The following CCSER2 variants were observed in gnomAD, a reference collection of about 807,000 sequenced individuals.
CCSER2 encodes the protein serine-rich coiled-coil domain-containing protein 2.
Under a neutral mutation model 92.3 loss-of-function variants are expected in CCSER2, and 46 were observed. That is an observed-to-expected ratio of 0.50 (90% CI 0.39 to 0.64). CCSER2 has a LOEUF of 0.64. CCSER2 is among the 30% of genes least tolerant of loss of function. The pLI is 0.00. For synonymous variants in CCSER2, 433 were observed against 431.4 expected, an observed-to-expected ratio of 1.00 and a Z score of -0.04; for missense variants, 1,244 against 1,238.9, an observed-to-expected ratio of 1.00 and a Z score of -0.06.
In CCSER2 at chr10:84,515,249, C is replaced by T. The variant is rs368167360; in HGVS notation, c.*982C>T. On this transcript the variant is annotated 3_prime_UTR_variant, in exon 10 of 10. Transcript: ENST00000372088. The stretch of plus-strand genomic sequence containing the variant: ...TGAAATAATGAACTTGAAACATTTG[C>T]ACAAAACTTTGATGGGGTATAAATA... 2.0e-5 allele frequency: 3 copies of T among 152,440 alleles called. No homozygotes were observed. In the South Asian group the frequency reaches 6.2e-4, roughly 32 times the overall value. 9.4% of individuals were successfully genotyped at this position (152,440 alleles called of 1,614,324 possible). A position where few individuals can be genotyped will look rare whatever the true frequency, so the allele number is the denominator to read the frequency against.
Position 84,517,777 on chromosome 10 carries a change from C to T in CCSER2, c.*3510C>T, listed in dbSNP as rs1022753418. ...CAGAGAGAGCGTGATCCCCCTACAG[C>T]TGTCACTTCCAAATGTTCCTGTAGC... On this transcript the variant is annotated 3_prime_UTR_variant, in exon 10 of 10. Transcript: ENST00000372088. 2.0e-5 allele frequency: 3 copies of T among 152,642 alleles called. No individual in the cohort carries two copies. The highest frequency in any genetic ancestry group is 7.2e-5 in the African/African-American group (3 of 41,454). 9.5% of individuals were successfully genotyped at this position (152,642 alleles called of 1,614,324 possible). A position where few individuals can be genotyped will look rare whatever the true frequency, so the allele number is the denominator to read the frequency against.
intron 5 of CCSER2, 125 bp from the exon 6 acceptor site, chr10:84,438,387 A>C (rs1844317317): frequency 1.7e-6 from 1 of 588,828 alleles, no homozygotes; most frequent in African/African-American, 1.9e-5. Context: ...GGTGAGTGGA[A>C]GTCAGAGCCA....
chr10:84,497,516 C>T (rs1049557209), intron 9 of CCSER2, among the ~76,000 whole-genome samples: 1 of 152,136 alleles, frequency 6.6e-6, no homozygotes, highest in African/African-American at 2.4e-5. Context: ...AGACAGATAT[C>T]ATTGTTTTTG....
chr10:84,503,509 A>G (rs1001861347), intron 9 of CCSER2, among the ~76,000 whole-genome samples: 7 of 152,320 alleles, frequency 4.6e-5, no homozygotes, highest in East Asian at 3.9e-4. Context: ...TGGGAGTAAT[A>G]AATAACCTAC....
At chr10:84,448,308 C>T (rs1589692757) in intron 6 of CCSER2, among the ~76,000 whole-genome samples, 1 of 152,226 alleles carries the variant, frequency 6.6e-6, no homozygotes, top group South Asian at 2.1e-4. Flanking sequence ...TGCCAGGCTG[C>T]TGATTATGCA....
chr10:84,499,951 G>A lies in CCSER2; in HGVS notation c.2326-13498G>A, dbSNP rs1168563804. ...ATCCCACGGACTGTTCCACCGCACC[G>A]CAGACAGAGTGAGTCTGTGTCTCTC... On this transcript the variant is annotated intron_variant, in intron 9 of 9. Coordinates refer to ENST00000372088, the MANE Select transcript of CCSER2 (RefSeq NM_001284240.2). The A allele has an allele frequency of 3.7e-6, 6 of 1,613,564 alleles. No individual in the cohort carries two copies. The African/African-American group carries it at 5.3e-5, about 14-fold the overall frequency.
At chr10:84,409,576 C>CTT (rs397846732) in intron 3 of CCSER2, among the ~76,000 whole-genome samples, 35 of 147,990 alleles carry the variant, frequency 2.4e-4, no homozygotes, top group South Asian at 4.3e-4. Context: ...TGATTGCTCT[C>CTT]TTTTTTTTTT....
intron 5 of CCSER2, among the ~76,000 whole-genome samples, chr10:84,435,097 A>T (rs992847998): frequency 3.9e-5 from 6 of 152,238 alleles, no homozygotes; most frequent in Non-Finnish European, 7.3e-5. Flanking sequence ...GTTAATTTTG[A>T]ATCTCATGGT....
At position 84,515,734 on chromosome 10, in the gene CCSER2, A is replaced by G. The variant is rs1849577170; in HGVS notation, c.*1467A>G. 2 of 152,178 alleles carry G rather than the reference A, an allele frequency of 1.3e-5. No individual in the cohort carries two copies. Among genetic ancestry groups the G allele is most frequent in the South Asian group, 4.1e-4 (2 of 4,830 alleles). 9.4% of individuals were successfully genotyped at this position (152,178 alleles called of 1,614,324 possible). A position where few individuals can be genotyped will look rare whatever the true frequency, so the allele number is the denominator to read the frequency against. On this transcript the variant is annotated 3_prime_UTR_variant, in exon 10 of 10. Transcript: ENST00000372088. ...TTTTGAAAGACAATTTTTTAAAGGT[A>G]GATTTGGGAAAAAAATAGAATTGAA...
intron 1 of CCSER2, among the ~76,000 whole-genome samples, chr10:84,330,841 A>G (rs908279724): frequency 4.6e-5 from 7 of 152,226 alleles, no homozygotes; most frequent in African/African-American, 1.7e-4. Context: ...TGATACAGGA[A>G]TAAAAAGGGC....
intron 5 of CCSER2, among the ~76,000 whole-genome samples, chr10:84,429,620 C>G (rs1014924971): frequency 6.7e-6 from 1 of 149,888 alleles, no homozygotes; most frequent in Non-Finnish European, 1.5e-5. Context: ...CACCACCCCC[C>G]CCAGCTTTTT....
At chr10:84,492,364 G>C (rs1359614236) in intron 9 of CCSER2, among the ~76,000 whole-genome samples, 2 of 148,866 alleles carry the variant, frequency 1.3e-5, no homozygotes, top group African/African-American at 2.4e-5. Context: ...TATAAGTTTG[G>C]AGAGTTTTTC....
At chr10:84,426,098 T>C (rs1843420957) in intron 5 of CCSER2, among the ~76,000 whole-genome samples, 1 of 152,214 alleles carries the variant, frequency 6.6e-6, no homozygotes, top group Non-Finnish European at 1.5e-5. Flanking sequence ...ATTAGTTTTA[T>C]CTTAAATATA....
At chr10:84,478,260 T>C (rs1344361367) in intron 9 of CCSER2, among the ~76,000 whole-genome samples, 1 of 152,194 alleles carries the variant, frequency 6.6e-6, no homozygotes, top group African/African-American at 2.4e-5. Flanking sequence ...CTAAAAATAC[T>C]CTATCATTTA....
At chr10:84,393,131 A>G (rs540682103) in intron 3 of CCSER2, among the ~76,000 whole-genome samples, 18 of 152,278 alleles carry the variant, frequency 1.2e-4, no homozygotes, top group Admixed American at 1.2e-3. Flanking sequence ...ATATAGACAT[A>G]TAAAGTACTG....
At chr10:84,473,515 A>G (rs924711757) in intron 8 of CCSER2, among the ~76,000 whole-genome samples, 4 of 152,214 alleles carry the variant, frequency 2.6e-5, no homozygotes, top group Non-Finnish European at 4.4e-5. Context: ...TAGGTGGCCA[A>G]GTATCCTTTT....
intron 9 of CCSER2, among the ~76,000 whole-genome samples, chr10:84,495,973 T>G (rs1449968227): frequency 7.9e-6 from 1 of 125,878 alleles, no homozygotes; most frequent in East Asian, 2.7e-4. Flanking sequence ...TTTTTTTCTT[T>G]TTTCTTTATT....
intron 9 of CCSER2, among the ~76,000 whole-genome samples, chr10:84,490,002 T>C (rs1359295456): frequency 6.6e-6 from 1 of 152,216 alleles, no homozygotes; most frequent in East Asian, 1.9e-4. Context: ...CTTATGAAGC[T>C]TAGTTTGACT....
intron 6 of CCSER2, among the ~76,000 whole-genome samples, chr10:84,461,491 A>G (rs967744681): frequency 1.3e-5 from 2 of 152,050 alleles, no homozygotes; most frequent in East Asian, 1.9e-4. Flanking sequence ...TTTTTGACCA[A>G]TCTTGTTGCT....
Sources: gnomAD v4.1 joint callset for allele counts (sites outside exome capture counted in the v4.1 genomes callset) on GRCh38, gnomAD v4.1.1 for gene constraint, MANE v1.5 for transcripts, NCBI Gene and HGNC (gene_info 2026-07-23, HGNC 2026-07-21) for gene names.